The following TCERG1L variants were observed in gnomAD, a reference collection of about 807,000 sequenced individuals.
The protein encoded by TCERG1L is transcription elongation regulator 1-like protein.
In TCERG1L, 37 loss-of-function variants were observed where a neutral mutation model predicts 56.3. The observed-to-expected ratio is 0.66, with a 90% CI of 0.51 to 0.87. The LOEUF (loss-of-function observed/expected upper bound fraction) is 0.87. TCERG1L is among the 40% of genes least tolerant of loss of function. TCERG1L has a pLI of 0.00. For synonymous variants in TCERG1L, 324 were observed against 326.3 expected (o/e 0.99, Z 0.08); for missense variants, 799 against 774.2 (o/e 1.03, Z -0.38).
chr10:131,301,639 G>A (rs1362628866), intron 3 of TCERG1L, among the ~76,000 whole-genome samples: 1 of 151,710 alleles, frequency 6.6e-6, no homozygotes, highest in African/African-American at 2.4e-5. Flanking sequence ...CTGAGAAAAC[G>A]TAACCTCGTC....
intron 3 of TCERG1L, among the ~76,000 whole-genome samples, chr10:131,307,345 C>G (rs771523782): frequency 3.0e-4 from 45 of 152,166 alleles, no homozygotes; most frequent in Non-Finnish European, 5.9e-4. Context: ...AATGTGTAGG[C>G]AAACAGAGAA....
chr10:131,109,838 G>C (rs1845392837), intron 9 of TCERG1L, among the ~76,000 whole-genome samples: 6 of 152,214 alleles, frequency 3.9e-5, no homozygotes, highest in Admixed American at 3.9e-4. Flanking sequence ...TTCCACAGTG[G>C]AAGAAGCCAG....
chr10:131,110,753 C>T (rs375692938), intron 9 of TCERG1L, among the ~76,000 whole-genome samples: 5 of 152,360 alleles, frequency 3.3e-5, no homozygotes, highest in African/African-American at 4.8e-5. Flanking sequence ...AGAAACTCAT[C>T]GTGCATTGTT....
intron 4 of TCERG1L, among the ~76,000 whole-genome samples, chr10:131,182,611 C>T (rs1845192570): frequency 6.6e-6 from 1 of 152,142 alleles, no homozygotes; most frequent in Admixed American, 6.5e-5. Context: ...TGTATGGATC[C>T]CTCTGCCGTG....
At position 131,174,046 on chromosome 10, in the gene TCERG1L, G is replaced by A. The variant is rs144283493; in HGVS notation, c.857-7161C>T. On this transcript the variant is annotated intron_variant, in intron 4 of 11. Coordinates refer to ENST00000368642, the MANE Select transcript of TCERG1L (RefSeq NM_174937.4). Reference sequence around the variant, plus strand: ...CGGAGGGGATGGAGTCGGAGTGGCAGGTGCTCCCTAGGGGTCCGGAAGAGC... The same window carrying A: ...CGGAGGGGATGGAGTCGGAGTGGCAAGTGCTCCCTAGGGGTCCGGAAGAGC... Among the ~76,000 whole-genome samples, 928 of 152,276 alleles carry A rather than the reference G, an allele frequency of 6.1e-3. 11 individuals are homozygous for A. Among genetic ancestry groups the A allele is most frequent in the African/African-American group, 0.021 (868 of 41,566 alleles).
In TCERG1L at chr10:131,136,229, G is replaced by A. The variant is rs557820620; in HGVS notation, c.1190-1781C>T. On this transcript the variant is annotated intron_variant, in intron 7 of 11. Coordinates refer to ENST00000368642, the MANE Select transcript of TCERG1L (RefSeq NM_174937.4). ...TTCCTCCTCTCTGGCTGCCTTCTGC[G>A]CGTGCTCCACAGCCCAACACAGCCC... Among the ~76,000 whole-genome samples, 146 of 152,314 alleles carry A rather than the reference G, an allele frequency of 9.6e-4. 1 individual carries two copies. Among genetic ancestry groups the A allele is most frequent in the Non-Finnish European group, 1.9e-3 (131 of 68,022 alleles).
chr10:131,164,481 C>A (rs1232476847), intron 5 of TCERG1L, among the ~76,000 whole-genome samples: 2 of 152,286 alleles, frequency 1.3e-5, no homozygotes, highest in South Asian at 2.1e-4. Context: ...CAGGAAGTAT[C>A]ACCAGAATTT....
chr10:131,138,031 C>A (rs908064882), intron 7 of TCERG1L, among the ~76,000 whole-genome samples: 1 of 152,084 alleles, frequency 6.6e-6, no homozygotes, highest in African/African-American at 2.4e-5. Context: ...CACTTTGGGA[C>A]GCAGAGGTGG....
chr10:131,165,019 C>T (rs768144431), intron 5 of TCERG1L, among the ~76,000 whole-genome samples: 45 of 152,282 alleles, frequency 3.0e-4, no homozygotes, highest in Non-Finnish European at 5.4e-4. Flanking sequence ...AAGGAAAGTG[C>T]TAAATTACAG....
chr10:131,262,243 C>T (rs1347489916), intron 3 of TCERG1L, among the ~76,000 whole-genome samples: 5 of 152,268 alleles, frequency 3.3e-5, no homozygotes, highest in South Asian at 2.1e-4. Context: ...TGGGAACAGA[C>T]GCGCAGGGGA....
intron 6 of TCERG1L, among the ~76,000 whole-genome samples, chr10:131,155,383 C>T (rs931523478): frequency 6.6e-6 from 1 of 152,232 alleles, no homozygotes; most frequent in Non-Finnish European, 1.5e-5. Context: ...CGGGGCCCTG[C>T]CAGCTCTGCC....
intron 9 of TCERG1L, among the ~76,000 whole-genome samples, chr10:131,116,184 A>G (rs139921309): frequency 3.3e-5 from 5 of 152,348 alleles, no homozygotes; most frequent in African/African-American, 1.2e-4. Context: ...TCTGAATACA[A>G]AATCCCCCCG....
intron 4 of TCERG1L, among the ~76,000 whole-genome samples, chr10:131,240,609 A>C (rs1013172140): frequency 8.5e-5 from 13 of 152,152 alleles, no homozygotes; most frequent in African/African-American, 3.1e-4. Flanking sequence ...ACGGGACAGC[A>C]CCCGCACAGG....
At chr10:131,181,693 G>A (rs60888168) in intron 4 of TCERG1L, among the ~76,000 whole-genome samples, 7,464 of 152,292 alleles carry the variant, frequency 0.049, 622 homozygotes, top group African/African-American at 0.17. Flanking sequence ...CAGTGGGCCA[G>A]GTGGGCCAGG....
intron 4 of TCERG1L, among the ~76,000 whole-genome samples, chr10:131,195,877 C>T (rs117846051): frequency 0.048 from 7,337 of 152,306 alleles, 187 homozygotes; most frequent in Middle Eastern, 0.082. Context: ...CCACACAAGG[C>T]GAGGCAAGCA....
intron 4 of TCERG1L, among the ~76,000 whole-genome samples, chr10:131,250,506 T>C (rs890932049): frequency 9.4e-5 from 13 of 138,090 alleles, no homozygotes; most frequent in African/African-American, 3.7e-4. Flanking sequence ...TATATCCTAC[T>C]TGGGGAATCT....
intron 3 of TCERG1L, among the ~76,000 whole-genome samples, chr10:131,266,855 T>A (rs1325671095): frequency 6.6e-6 from 1 of 152,162 alleles, no homozygotes; most frequent in Non-Finnish European, 1.5e-5. Flanking sequence ...CAGCTGGTCA[T>A]CCTGGCACCT....
At chr10:131,150,634 T>C (rs1845853239) in intron 6 of TCERG1L, among the ~76,000 whole-genome samples, 1 of 152,144 alleles carries the variant, frequency 6.6e-6, no homozygotes, top group Non-Finnish European at 1.5e-5. Flanking sequence ...GATGACCCAT[T>C]TCCTGGCAGG....
At chr10:131,282,623 G>A (rs1025727224) in intron 3 of TCERG1L, among the ~76,000 whole-genome samples, 1 of 151,298 alleles carries the variant, frequency 6.6e-6, no homozygotes, top group African/African-American at 2.4e-5. Context: ...AAATAACCCT[G>A]CTTTGTTCAC....
Sources: allele counts gnomAD v4.1 joint callset (sites outside exome capture counted in the v4.1 genomes callset), GRCh38; gene constraint gnomAD v4.1.1; transcripts MANE v1.5; gene names NCBI Gene and HGNC (gene_info 2026-07-23, HGNC 2026-07-21).